SEZ6L: variants seen among roughly 807,000 people sequenced by gnomAD.
The protein encoded by SEZ6L is seizure 6-like protein.
Under a neutral mutation model 106.2 loss-of-function variants are expected in SEZ6L, and 37 were observed. That is an observed-to-expected ratio of 0.35 (90% CI 0.27 to 0.46). SEZ6L has a LOEUF of 0.46. Ranked by LOEUF, SEZ6L falls within the 20% of genes least tolerant of loss-of-function variation. SEZ6L has a pLI of 1.00. For synonymous variants in SEZ6L, 541 were observed against 570.4 expected (o/e 0.95, Z 0.73); for missense variants, 1,172 against 1,332.8 (o/e 0.88, Z 1.88).
At chr22:26,282,798 C>T (rs1394957628) in intron 1 of SEZ6L, among the ~76,000 whole-genome samples, 5 of 152,198 alleles carry the variant, frequency 3.3e-5, no homozygotes, top group African/African-American at 1.2e-4. Context: ...TGCTGAAGAG[C>T]AGCAGCACTC....
intron 9 of SEZ6L, among the ~76,000 whole-genome samples, chr22:26,333,553 C>G (rs1400284336): frequency 1.3e-5 from 2 of 152,180 alleles, no homozygotes; most frequent in African/African-American, 4.8e-5. Flanking sequence ...CCACAGTCTA[C>G]TCTGTGCAAG....
At chr22:26,243,512 A>T (rs1230782648) in intron 1 of SEZ6L, among the ~76,000 whole-genome samples, 2 of 152,204 alleles carry the variant, frequency 1.3e-5, no homozygotes, top group African/African-American at 4.8e-5. Context: ...GATGTGCAGG[A>T]AACAGCAAAA....
chr22:26,234,590 C>T (rs1289294477), intron 1 of SEZ6L, among the ~76,000 whole-genome samples: 1 of 152,190 alleles, frequency 6.6e-6, no homozygotes, highest in Non-Finnish European at 1.5e-5. Flanking sequence ...TGTATGAGGT[C>T]ATGAATAAGG....
intron 5 of SEZ6L, among the ~76,000 whole-genome samples, chr22:26,304,369 G>GAAGAAAGAAAA (rs2081553889): frequency 1.0e-5 from 1 of 98,304 alleles, no homozygotes; most frequent in Admixed American, 1.2e-4. Flanking sequence ...AAAAAAGAAA[G>GAAGAAAGAAAA]AAGAAAGAAA....
At chr22:26,222,685 C>T (rs2078512591) in intron 1 of SEZ6L, among the ~76,000 whole-genome samples, 1 of 152,132 alleles carries the variant, frequency 6.6e-6, no homozygotes. Context: ...GGGGGGAACG[C>T]CCACATACAT....
At chr22:26,170,261 CA>C (rs2123750596) in intron 1 of SEZ6L, among the ~76,000 whole-genome samples, 1 of 152,108 alleles carries the variant, frequency 6.6e-6, no homozygotes, top group African/African-American at 2.4e-5. Context: ...TCCTTTGGTT[CA>C]GGCTACCCCG....
intron 12 of SEZ6L, among the ~76,000 whole-genome samples, chr22:26,352,045 C>T (rs531562922): frequency 5.9e-4 from 89 of 151,892 alleles, no homozygotes; most frequent in Non-Finnish European, 1.1e-3. Context: ...CCTATTATCC[C>T]AGCTGCTCAG....
intron 1 of SEZ6L, among the ~76,000 whole-genome samples, chr22:26,239,091 T>C (rs1357287244): frequency 6.6e-6 from 1 of 152,136 alleles, no homozygotes; most frequent in Non-Finnish European, 1.5e-5. Flanking sequence ...GGGCATGATG[T>C]CATGTGCTTG....
intron 1 of SEZ6L, among the ~76,000 whole-genome samples, chr22:26,186,507 G>T (rs779195843): frequency 2.0e-5 from 3 of 152,096 alleles, no homozygotes; most frequent in Non-Finnish European, 2.9e-5. Context: ...GGGGAGGTTA[G>T]TGGATGGAAA....
intron 13 of SEZ6L, among the ~76,000 whole-genome samples, chr22:26,367,666 CTTAA>C (rs1210787615): frequency 1.3e-5 from 2 of 152,046 alleles, no homozygotes; most frequent in Non-Finnish European, 2.9e-5. Flanking sequence ...GAGAACCCTG[CTTAA>C]TTATTTCCCA....
chr22:26,350,495 G>A (rs1262243417), intron 11 of SEZ6L, among the ~76,000 whole-genome samples: 2 of 151,860 alleles, frequency 1.3e-5, no homozygotes, highest in Non-Finnish European at 2.9e-5. Context: ...TCCCTTTCAA[G>A]TCCTAGGATT....
chr22:26,341,668 T>C (rs2082841090), intron 10 of SEZ6L, among the ~76,000 whole-genome samples: 1 of 152,128 alleles, frequency 6.6e-6, no homozygotes, highest in Non-Finnish European at 1.5e-5. Context: ...ATGATTTCTT[T>C]TCCTACCCAC....
intron 9 of SEZ6L, among the ~76,000 whole-genome samples, chr22:26,330,176 C>T (rs758227236): frequency 3.3e-5 from 5 of 152,278 alleles, no homozygotes; most frequent in East Asian, 3.9e-4. Context: ...TTCAGGGAGC[C>T]GACACAGGCA....
chr22:26,304,218 G>C (rs1009873841), intron 5 of SEZ6L, among the ~76,000 whole-genome samples: 3 of 151,928 alleles, frequency 2.0e-5, no homozygotes, highest in Admixed American at 1.3e-4. Flanking sequence ...TGGGCGCGGT[G>C]GTGGGCACCT....
chr22:26,347,813 C>T lies in SEZ6L; in HGVS notation c.2307C>T (p.Ile769=), dbSNP rs1239162600. ...CGGAGTTGGTGCGGGGAGCCAGAAT[C>T]ACCTACCAGTGTGACCCCGGCTATG... ...SHTELVRGAR[I]TYQCDPGYDI... Residue 769 remains isoleucine (I), a synonymous_variant, in exon 11 of 17, where the codon ATC becomes ATT. Transcript: ENST00000248933. 1.2e-6 allele frequency: 2 copies of T among 1,608,290 alleles called. No homozygotes were observed. The highest frequency in any genetic ancestry group is 1.7e-6 in the Non-Finnish European group (2 of 1,178,096).
chr22:26,375,466 C>G, intron 14 of SEZ6L, 109 bp from the exon 15 acceptor site: 1 of 818,558 alleles, frequency 1.2e-6, no homozygotes, highest in Admixed American at 2.0e-5. Flanking sequence ...CCTCCCAGAG[C>G]CTTAGACCTT....
chr22:26,348,699 A>AAGG lies in SEZ6L; in HGVS notation c.2407+787_2407+788insGGA, dbSNP rs1569473840. Among the ~76,000 whole-genome samples the AAGG allele has an allele frequency of 6.7e-4, 45 of 67,330 alleles. 1 individual carries two copies. The highest frequency in any genetic ancestry group is 9.8e-4 in the Non-Finnish European group (34 of 34,792). The allele number at this position is 67,330 out of a possible 152,430, so 44.2% of individuals were successfully genotyped here. ...GAAAGAAAGAAAGAAAGAAAGAAAG[A>AAGG]AAGAAGGCAAGGGAGGGAAGGGAGG... On this transcript the variant is annotated intron_variant, in intron 11 of 16. Transcript: ENST00000248933.
intron 2 of SEZ6L, among the ~76,000 whole-genome samples, chr22:26,294,078 T>C (rs2081222743): frequency 6.6e-6 from 1 of 152,204 alleles, no homozygotes; most frequent in East Asian, 1.9e-4. Flanking sequence ...CTAGCTAAAA[T>C]GGTGCCTAGC....
intron 1 of SEZ6L, among the ~76,000 whole-genome samples, chr22:26,272,633 C>A (rs1447612731): frequency 6.6e-6 from 1 of 152,132 alleles, no homozygotes; most frequent in African/African-American, 2.4e-5. Flanking sequence ...ATTTTATATT[C>A]CCTTCCATGT....
Sources: allele counts gnomAD v4.1 joint callset (sites outside exome capture counted in the v4.1 genomes callset), GRCh38; gene constraint gnomAD v4.1.1; transcripts MANE v1.5; gene names NCBI Gene and HGNC (gene_info 2026-07-23, HGNC 2026-07-21).